Variants in ESRRG observed in about 807,000 individuals in gnomAD.
ESRRG encodes the protein estrogen related receptor gamma.
ESRRG carries 13 observed loss-of-function variants against 44.0 expected under a neutral mutation model. The observed-to-expected ratio is 0.30, with a 90% CI of 0.19 to 0.47. ESRRG has a LOEUF of 0.47. Among genes scored for constraint, ESRRG ranks in the 20% least tolerant of loss-of-function variants. ESRRG has a pLI of 1.00. For missense variants in ESRRG, 395 were observed against 580.6 expected, an observed-to-expected ratio of 0.68 and a Z score of 3.29; for synonymous variants, 215 against 214.6, an observed-to-expected ratio of 1.00 and a Z score of -0.02.
At chr1:216,579,624 T>A (rs116172409) in intron 3 of ESRRG, among the ~76,000 whole-genome samples, 2 of 152,154 alleles carry the variant, frequency 1.3e-5, no homozygotes, top group African/African-American at 4.8e-5. Flanking sequence ...TAACAAGTCA[T>A]GAATTTCCTG....
At chr1:216,833,410 C>A (rs1290573498) in intron 2 of ESRRG, among the ~76,000 whole-genome samples, 2 of 152,200 alleles carry the variant, frequency 1.3e-5, no homozygotes, top group Non-Finnish European at 2.9e-5. Flanking sequence ...GCATTAGCTA[C>A]AATTTCCTGG....
intron 1 of ESRRG, among the ~76,000 whole-genome samples, chr1:217,039,639 G>C (rs2083490144): frequency 6.6e-6 from 1 of 152,136 alleles, no homozygotes; most frequent in Admixed American, 6.6e-5. Context: ...GGAACCATGG[G>C]AGCCACAAGA....
intron 2 of ESRRG, among the ~76,000 whole-genome samples, chr1:216,849,279 T>C (rs2148961131): frequency 6.6e-6 from 1 of 152,266 alleles, no homozygotes; most frequent in South Asian, 2.1e-4. Context: ...CAATGCACTG[T>C]ATCTTTCGTT....
chr1:216,958,213 G>A (rs900862518), intron 1 of ESRRG, among the ~76,000 whole-genome samples: 2 of 152,094 alleles, frequency 1.3e-5, no homozygotes, highest in African/African-American at 4.8e-5. Context: ...ACACATTTTA[G>A]CTATATGAAT....
At chr1:216,992,972 T>G (rs1027502799) in intron 1 of ESRRG, among the ~76,000 whole-genome samples, 5 of 152,272 alleles carry the variant, frequency 3.3e-5, no homozygotes, top group African/African-American at 1.2e-4. Context: ...TCCCTCTCAC[T>G]CCTCACCTTG....
chr1:217,030,532 C>T (rs1439398561), intron 1 of ESRRG, among the ~76,000 whole-genome samples: 5 of 152,156 alleles, frequency 3.3e-5, no homozygotes, highest in Non-Finnish European at 5.9e-5. Context: ...TTGAGCATAC[C>T]GCTTAGCCTT....
At chr1:217,128,313 T>C (rs2092916985) in intron 1 of ESRRG, among the ~76,000 whole-genome samples, 1 of 152,268 alleles carries the variant, frequency 6.6e-6, no homozygotes. Context: ...CATTTAATAA[T>C]GTCCATTGAT....
chr1:217,094,854 T>A (rs1289623015), intron 1 of ESRRG, among the ~76,000 whole-genome samples: 1 of 152,232 alleles, frequency 6.6e-6, no homozygotes, highest in East Asian at 1.9e-4. Context: ...GCCAATCACA[T>A]CTCACCAAAG....
intron 1 of ESRRG, among the ~76,000 whole-genome samples, chr1:216,987,892 A>T (rs2075119708): frequency 6.6e-6 from 1 of 152,138 alleles, no homozygotes; most frequent in Non-Finnish European, 1.5e-5. Flanking sequence ...GTATACAAAT[A>T]TTCCATCTTT....
At chr1:216,538,256 T>C (rs969754924) in intron 5 of ESRRG, among the ~76,000 whole-genome samples, 4 of 97,530 alleles carry the variant, frequency 4.1e-5, no homozygotes, top group African/African-American at 2.7e-4. Context: ...AAATTAAAAA[T>C]TTTGTGTGTG....
At chr1:217,024,043 T>C (rs550637383) in intron 1 of ESRRG, among the ~76,000 whole-genome samples, 2 of 152,306 alleles carry the variant, frequency 1.3e-5, no homozygotes, top group African/African-American at 4.8e-5. Context: ...GGGACATAAA[T>C]GTAGGGGGTT....
Position 217,043,281 on chromosome 1 carries a change from C to A in ESRRG, c.-106+46226G>T, listed in dbSNP as rs564589230. Reference sequence around the variant, plus strand: ...CCTCACCAACTGCAGCTAAATTGGGCCTCAAAGATGCTTTCCATAAATGGA... The same window carrying A: ...CCTCACCAACTGCAGCTAAATTGGGACTCAAAGATGCTTTCCATAAATGGA... On this transcript the variant is annotated intron_variant, in intron 1 of 7. Coordinates refer to the ESRRG transcript ENST00000359162. 2.2e-4 allele frequency among the ~76,000 whole-genome samples: 34 copies of A among 152,208 alleles called. No individual in the cohort carries two copies. The South Asian group carries it at 6.8e-3, about 31-fold the overall frequency.
chr1:216,951,417 G>A (rs2066926514), intron 1 of ESRRG, among the ~76,000 whole-genome samples: 1 of 152,100 alleles, frequency 6.6e-6, no homozygotes, highest in South Asian at 2.1e-4. Context: ...AGAAGGCAGT[G>A]ATATATATTT....
rs533725803 is a variant in ESRRG at position 217,104,881 on chromosome 1, A to G, written c.-230+32786T>C. Among the ~76,000 whole-genome samples, 25 of 152,326 alleles carry G rather than the reference A, an allele frequency of 1.6e-4. 1 individual carries two copies. The South Asian group carries it at 4.6e-3, about 28-fold the overall frequency. Reference sequence around the variant, plus strand: ...CAGATGTATCATAACTCTCTTCCTTAGGGATGCAGCTTCCATTGTGAGTAA... The same window carrying G: ...CAGATGTATCATAACTCTCTTCCTTGGGGATGCAGCTTCCATTGTGAGTAA... On this transcript the variant is annotated intron_variant, in intron 1 of 8. Transcript: ENST00000366940.
chr1:216,854,898 T>A (rs2149028249), intron 2 of ESRRG: 1 of 152,322 alleles, frequency 6.6e-6, no homozygotes, highest in Middle Eastern at 3.4e-3. Context: ...GAATTTTGAA[T>A]AAAATATTGG....
chr1:216,645,050 A>T (rs1182203479), intron 3 of ESRRG, among the ~76,000 whole-genome samples: 1 of 152,198 alleles, frequency 6.6e-6, no homozygotes, highest in Non-Finnish European at 1.5e-5. Flanking sequence ...AAGAGCTGGA[A>T]GGAAATGTGA....
chr1:216,753,138 A>G (rs1486359349), intron 2 of ESRRG, among the ~76,000 whole-genome samples: 1 of 151,696 alleles, frequency 6.6e-6, no homozygotes. Flanking sequence ...TGGGCAAATG[A>G]TAACCAAAGG....
chr1:216,763,549 T>C (rs1407847841), intron 2 of ESRRG, among the ~76,000 whole-genome samples: 1 of 152,066 alleles, frequency 6.6e-6, no homozygotes, highest in Admixed American at 6.6e-5. Context: ...AAGAGAAAAC[T>C]GGTCACAATA....
chr1:216,585,884 C>CA lies in ESRRG; in HGVS notation c.590-17787dup, dbSNP rs1343497718. ...TGAAACCCCATCTCTACTAAAAATA[C>CA]AAAAAATTAGCCAGGCGTGGTTGTG... On this transcript the variant is annotated intron_variant, in intron 3 of 6. Coordinates refer to ENST00000408911, the MANE Select transcript of ESRRG (RefSeq NM_001438.4). Among the ~76,000 whole-genome samples, 6 of 152,040 alleles carry CA rather than the reference C, an allele frequency of 3.9e-5. No homozygotes were observed. In the South Asian group the frequency reaches 1.2e-3, roughly 32 times the overall value.
Sources: allele counts gnomAD v4.1 joint callset (sites outside exome capture counted in the v4.1 genomes callset), GRCh38; gene constraint gnomAD v4.1.1; transcripts MANE v1.5; gene names NCBI Gene and HGNC (gene_info 2026-07-23, HGNC 2026-07-21).